The following RLBP1 variants were observed in gnomAD, a reference collection of about 807,000 sequenced individuals.
RLBP1 encodes retinaldehyde binding protein 1, also known as retinaldehyde-binding protein 1.
In RLBP1, 26 loss-of-function variants were observed where a neutral mutation model predicts 36.2. That is an observed-to-expected ratio of 0.72 (90% CI 0.53 to 1.00). The LOEUF is 1.00. RLBP1 is among the 50% of genes least tolerant of loss of function. The pLI is 0.00. For synonymous variants in RLBP1, 155 were observed against 156.2 expected, an observed-to-expected ratio of 0.99 and a Z score of 0.06; for missense variants, 410 against 402.4, an observed-to-expected ratio of 1.02 and a Z score of -0.16.
intron 2 of RLBP1, 59 bp from the exon 3 acceptor site, chr15:89,219,134 C>G: frequency 1.2e-6 from 1 of 833,272 alleles, no homozygotes; most frequent in South Asian, 1.4e-5. Flanking sequence ...CTCAAACTTT[C>G]AATTGCATCA....
In RLBP1 at chr15:89,210,832, C is replaced by T. The variant is rs773171161; in HGVS notation, c.685-23G>A. ...ATCCTGCGGTGACAGAGAGATACCC[C>T]GTTCCCCATGGCCCCAGTGACCTCA... On this transcript the variant is annotated intron_variant, in intron 7 of 8. Coordinates refer to ENST00000268125, the MANE Select transcript of RLBP1 (RefSeq NM_000326.5). The surrounding 1 kb of genome is among the most constrained non-coding windows in gnomAD (Gnocchi z 4.7). The T allele has an allele frequency of 6.0e-6, 9 of 1,508,706 alleles. No homozygotes were observed. The Admixed American group carries it at 7.7e-5, about 13-fold the overall frequency. The allele number at this position is 1,508,706 out of a possible 1,614,324, so 93.5% of individuals were successfully genotyped here.
chr15:89,218,498 A>G lies in RLBP1; in HGVS notation c.141+67T>C. On this transcript the variant is annotated intron_variant, in intron 4 of 8. Transcript: ENST00000268125. This position sits in a 1 kb window ranked among gnomAD's most constrained non-coding sequence, Gnocchi z 4.6. ...GCTGGACCCTTTTCACAGGAGAGAG[A>G]ATGCAGTCATGTTCCCCTCATGTTG... 6.2e-7 allele frequency: 1 copy of G among 1,608,050 alleles called. No homozygotes were observed. The highest frequency in any genetic ancestry group is 2.2e-5 in the East Asian group (1 of 44,846).
Position 89,214,776 on chromosome 15 carries a change from C to A in RLBP1, c.525+284G>T, listed in dbSNP as rs1411384639. Among the ~76,000 whole-genome samples, 2 of 152,224 alleles carry A rather than the reference C, an allele frequency of 1.3e-5. No homozygotes were observed. Among genetic ancestry groups the A allele is most frequent in the Non-Finnish European group, 2.9e-5 (2 of 68,046 alleles). On this transcript the variant is annotated intron_variant, in intron 6 of 8. Coordinates refer to ENST00000268125, the MANE Select transcript of RLBP1 (RefSeq NM_000326.5). This position sits in a 1 kb window ranked among gnomAD's most constrained non-coding sequence, Gnocchi z 4.6. ...GCAGGGCAGCCCCCAGCTCATGGCA[C>A]ACAGCTGTTACCCCCACTTGGCACT...
rs1246151261 is a variant in RLBP1, at chr15:89,211,997, G to A, written c.526-96C>T. 7.8e-7 allele frequency: 1 copy of A among 1,280,660 alleles called. No homozygotes were observed. The highest frequency in any genetic ancestry group is 1.5e-5 in the African/African-American group (1 of 68,282). The allele number at this position is 1,280,660 out of a possible 1,614,324, so 79.3% of individuals were successfully genotyped here. A position where few individuals can be genotyped will look rare whatever the true frequency, so the allele number is the denominator to read the frequency against. On this transcript the variant is annotated intron_variant, in intron 6 of 8. Coordinates refer to ENST00000268125, the MANE Select transcript of RLBP1 (RefSeq NM_000326.5). The surrounding 1 kb of genome is among the most constrained non-coding windows in gnomAD (Gnocchi z 5.8). ...AGAGCTAATTGGTACATTCTTCACT[G>A]GGGTAATTTGCTGCAGGCTTTGATC...
Position 89,214,476 on chromosome 15 carries a change from A to T in RLBP1, c.525+584T>A, listed in dbSNP as rs1314826563. Among the ~76,000 whole-genome samples the T allele has an allele frequency of 6.7e-6, 1 of 150,336 alleles. No individual in the cohort carries two copies. Among genetic ancestry groups the T allele is most frequent in the Non-Finnish European group, 1.5e-5 (1 of 67,712 alleles). ...GACTCCATCTCAAAAATAAATAAAT[A>T]AAATAAAATAAGTTTGTAGCAGTTT... On this transcript the variant is annotated intron_variant, in intron 6 of 8. Coordinates refer to ENST00000268125, the MANE Select transcript of RLBP1 (RefSeq NM_000326.5). The surrounding 1 kb of genome is among the most constrained non-coding windows in gnomAD (Gnocchi z 4.6).
intron 5 of RLBP1, 59 bp downstream of exon 5, chr15:89,217,061 G>A (rs1254138800): frequency 1.3e-6 from 2 of 1,559,180 alleles, no homozygotes; most frequent in Non-Finnish European, 1.8e-6. Flanking sequence ...GATGAGAGCG[G>A]ATAGCATCCT....
At chr15:89,213,008 C>T (rs1029088073) in intron 6 of RLBP1, among the ~76,000 whole-genome samples, 2 of 152,170 alleles carry the variant, frequency 1.3e-5, no homozygotes, top group African/African-American at 4.8e-5. Context: ...GCTGGGATTA[C>T]AGGCATGAGC....
intron 6 of RLBP1, among the ~76,000 whole-genome samples, chr15:89,212,625 C>CGTGT (rs138615112): frequency 6.0e-4 from 86 of 143,352 alleles, no homozygotes; most frequent in East Asian, 2.2e-3. Context: ...TGTGTGTGCG[C>CGTGT]GTGTGTGTGT....
rs2051529561 is a variant in RLBP1, at chr15:89,210,629, T to A, written c.795+70A>T. 8.6e-6 allele frequency: 11 copies of A among 1,286,546 alleles called. No homozygotes were observed. Among genetic ancestry groups the A allele is most frequent in the Admixed American group, 2.0e-5 (1 of 50,898 alleles). 79.7% of individuals were successfully genotyped at this position (1,286,546 alleles called of 1,614,324 possible). On this transcript the variant is annotated intron_variant, in intron 8 of 8. Coordinates refer to ENST00000268125, the MANE Select transcript of RLBP1 (RefSeq NM_000326.5). This position sits in a 1 kb window ranked among gnomAD's most constrained non-coding sequence, Gnocchi z 4.7. ...CATAGCTCAGGACCATGGTAGAGTG[T>A]GAGGAGGGCTCAGGTGAGGCCCCAC...
Position 89,211,726 on chromosome 15 carries a change from A to C in RLBP1, c.684+17T>G. The C allele has an allele frequency of 6.2e-7, 1 of 1,613,002 alleles. No homozygotes were observed. The highest frequency in any genetic ancestry group is 8.5e-7 in the Non-Finnish European group (1 of 1,179,904). On this transcript the variant is annotated intron_variant, in intron 7 of 8. Coordinates refer to ENST00000268125, the MANE Select transcript of RLBP1 (RefSeq NM_000326.5). The surrounding 1 kb of genome is among the most constrained non-coding windows in gnomAD (Gnocchi z 5.8). ...CAGCTGTGGGAGGCTGCCGTGCGAC[A>C]GAACTCTAAGCCTCACCTGGAGCAT... is the stretch of plus-strand genomic sequence containing the variant.
chr15:89,215,048 G>A lies in RLBP1; in HGVS notation c.525+12C>T. On this transcript the variant is annotated intron_variant, in intron 6 of 8. Coordinates refer to ENST00000268125, the MANE Select transcript of RLBP1 (RefSeq NM_000326.5). ...AGCCCACAGGGTGGGAGCCAGGCGA[G>A]CCCCCACTAACCTCATCAAAGGTGA... 1 of 1,614,042 alleles carries A rather than the reference G, an allele frequency of 6.2e-7. No individual in the cohort carries two copies. Among genetic ancestry groups the A allele is most frequent in the Non-Finnish European group, 8.5e-7 (1 of 1,179,918 alleles).
chr15:89,215,373 C>T, intron 5 of RLBP1, 135 bp from the exon 6 acceptor site: 1 of 740,398 alleles, frequency 1.4e-6, no homozygotes, highest in Non-Finnish European at 2.2e-6. Flanking sequence ...CCTATCCGAG[C>T]CCCATGTTTC....
intron 6 of RLBP1, 57 bp downstream of exon 6, chr15:89,215,003 A>G (rs1233657192): frequency 1.3e-6 from 2 of 1,571,224 alleles, no homozygotes; most frequent in Non-Finnish European, 1.8e-6. Flanking sequence ...AGTAGAGGCC[A>G]GGGTTGAGGG....
chr15:89,217,238 C>G lies in RLBP1; in HGVS notation c.228G>C (p.Ser76=), dbSNP rs202116993. 1.9e-6 allele frequency: 3 copies of G among 1,612,418 alleles called. No homozygotes were observed. Among genetic ancestry groups the G allele is most frequent in the East Asian group, 4.5e-5 (2 of 44,878 alleles). Residue 76 remains serine (S), a synonymous_variant, in exon 5 of 9, where the codon TCG becomes TCC. Coordinates refer to ENST00000268125, the MANE Select transcript of RLBP1 (RefSeq NM_000326.5). ...LQEMVQAQAA[S]GEELAVAVAE... ...CCACGGCCACCGCCAGCTCCTCCCC[C>G]GAGGCCGCCTGCGCCTGCACCATCT...
At chr15:89,216,252 C>T (rs1476181362) in intron 5 of RLBP1, among the ~76,000 whole-genome samples, 1 of 152,042 alleles carries the variant, frequency 6.6e-6, no homozygotes, top group Non-Finnish European at 1.5e-5. Flanking sequence ...GCAGAGGGCC[C>T]ACTCAGACCC....
intron 5 of RLBP1, among the ~76,000 whole-genome samples, chr15:89,216,023 A>G (rs1440573044): frequency 6.6e-6 from 1 of 152,002 alleles, no homozygotes; most frequent in African/African-American, 2.4e-5. Context: ...CACCTCCTTA[A>G]TTTCTTTCCT....
intron 5 of RLBP1, 116 bp from the exon 6 acceptor site, chr15:89,215,354 G>T (rs2051571556): frequency 3.1e-6 from 3 of 956,714 alleles, no homozygotes; most frequent in South Asian, 3.0e-5. Flanking sequence ...GACCGAGCTG[G>T]CTACTCAACC....
At chr15:89,221,234 C>T (rs972579939) in intron 1 of RLBP1, among the ~76,000 whole-genome samples, 4 of 152,154 alleles carry the variant, frequency 2.6e-5, no homozygotes, top group Non-Finnish European at 5.9e-5. Context: ...GTCTCGAACT[C>T]CTGACCTCAG....
At chr15:89,220,282 T>G (rs573866401) in intron 1 of RLBP1, among the ~76,000 whole-genome samples, 1 of 152,324 alleles carries the variant, frequency 6.6e-6, no homozygotes, top group East Asian at 1.9e-4. Context: ...ATGACTTGTG[T>G]GACCCTAGCA....
Sources: allele counts gnomAD v4.1 joint callset (sites outside exome capture counted in the v4.1 genomes callset), GRCh38; gene constraint gnomAD v4.1.1; non-coding constraint Gnocchi (gnomAD v3.1); transcripts MANE v1.5; gene names NCBI Gene and HGNC (gene_info 2026-07-23, HGNC 2026-07-21).